CD99: variants seen among roughly 807,000 people sequenced by gnomAD.
CD99 encodes the protein CD99 molecule (Xg blood group).
In CD99, 19 loss-of-function variants were observed where a neutral mutation model predicts 28.4. The observed-to-expected ratio is 0.67, with a 90% CI of 0.47 to 0.98. The LOEUF is 0.98. Among genes scored for constraint, CD99 ranks in the 50% least tolerant of loss-of-function variants. CD99 has a pLI of 0.00. For synonymous variants in CD99, 103 were observed against 92.1 expected (o/e 1.12, Z -0.67); for missense variants, 283 against 248.8 (o/e 1.14, Z -0.92).
chrX:2,739,195 A>C (rs28445675), intron 9 of CD99, among the ~76,000 whole-genome samples: 7,500 of 152,140 alleles, frequency 0.049, 209 homozygotes, highest in Non-Finnish European at 0.06. Context: ...AAATCCTCTC[A>C]ACCAGGTGGA....
chrX:2,708,139 G>C (rs2048210324), intron 1 of CD99, among the ~76,000 whole-genome samples: 1 of 152,032 alleles, frequency 6.6e-6, no homozygotes, highest in African/African-American at 2.4e-5. Flanking sequence ...CACACCTGGG[G>C]GACTGCCTCC....
intron 1 of CD99, among the ~76,000 whole-genome samples, chrX:2,694,818 A>G (rs781133172): frequency 6.6e-6 from 1 of 152,208 alleles, no homozygotes; most frequent in African/African-American, 2.4e-5. Flanking sequence ...CAGAGTTTTC[A>G]TGTAAAGACA....
At chrX:2,707,270 C>T (rs1238720996) in intron 1 of CD99, among the ~76,000 whole-genome samples, 2 of 151,824 alleles carry the variant, frequency 1.3e-5, no homozygotes. Context: ...GTGGAGGTTG[C>T]AGTGAGTTGA....
At chrX:2,738,104 G>A (rs772539359) in intron 8 of CD99, 96 bp from the exon 9 acceptor site, 121 of 1,102,836 alleles carry the variant, frequency 1.1e-4, no homozygotes, top group Admixed American at 3.5e-4. Context: ...CAATAGGAGC[G>A]TCGACCTCAG....
intron 8 of CD99, chrX:2,727,326 G>A (rs755897365): frequency 3.8e-6 from 3 of 779,242 alleles, no homozygotes; most frequent in Admixed American, 1.7e-5. Context: ...CCTTGTATTG[G>A]GATCCGCCGT....
intron 8 of CD99, among the ~76,000 whole-genome samples, chrX:2,728,581 C>T (rs961618947): frequency 2.0e-5 from 3 of 152,140 alleles, no homozygotes; most frequent in African/African-American, 7.2e-5. Flanking sequence ...AAGAGACGTA[C>T]GATTAGAATC....
chrX:2,721,976 A>G (rs2049013444), intron 5 of CD99, among the ~76,000 whole-genome samples: 1 of 152,134 alleles, frequency 6.6e-6, no homozygotes, highest in Non-Finnish European at 1.5e-5. Flanking sequence ...AATTTGCTGC[A>G]GATTTTTACC....
intron 1 of CD99, among the ~76,000 whole-genome samples, chrX:2,696,026 T>G (rs2047559815): frequency 6.6e-6 from 1 of 152,208 alleles, no homozygotes; most frequent in African/African-American, 2.4e-5. Flanking sequence ...AACATGCGTT[T>G]TTCATTGATA....
At chrX:2,694,682 A>C (rs2047490893) in intron 1 of CD99, among the ~76,000 whole-genome samples, 2 of 152,022 alleles carry the variant, frequency 1.3e-5, no homozygotes, top group Admixed American at 1.3e-4. Context: ...CAGCCCGGGA[A>C]GCAGAGGTTG....
intron 1 of CD99, among the ~76,000 whole-genome samples, chrX:2,705,713 C>T (rs1016898948): frequency 1.3e-5 from 2 of 152,156 alleles, no homozygotes; most frequent in Non-Finnish European, 2.9e-5. Flanking sequence ...TGTCCTGTCT[C>T]ATGGACGCTT....
Position 2,691,345 on chromosome X carries a change from G to A in CD99, c.-16G>A. On this transcript the variant is annotated 5_prime_UTR_variant, in exon 1 of 10. Coordinates refer to ENST00000381192, the MANE Select transcript of CD99 (RefSeq NM_002414.5). ...CCCTGCACTCCGGGACCGTCCCTGC[G>A]CGCTCTGGGCGCACCATGGCCCGCG... The A allele has an allele frequency of 6.4e-7, 1 of 1,554,900 alleles. No individual in the cohort carries two copies. Among genetic ancestry groups the A allele is most frequent in the South Asian group, 1.2e-5 (1 of 85,546 alleles).
chrX:2,735,855 T>C (rs1355442559), intron 8 of CD99, among the ~76,000 whole-genome samples: 1 of 152,144 alleles, frequency 6.6e-6, no homozygotes, highest in Non-Finnish European at 1.5e-5. Flanking sequence ...CAGTTGAAAC[T>C]GTGGAGTTCA....
At chrX:2,733,012 A>C (rs1464191231) in intron 8 of CD99, among the ~76,000 whole-genome samples, 45 of 99,914 alleles carry the variant, frequency 4.5e-4, no homozygotes, top group Admixed American at 8.5e-4. Flanking sequence ...CTTCCTCCAT[A>C]CCTCCCTGCT....
rs2050163203 is a variant in CD99 at position 2,740,945 on chromosome X, G to A, written c.*141G>A. On this transcript the variant is annotated 3_prime_UTR_variant, in exon 10 of 10. Coordinates refer to ENST00000381192, the MANE Select transcript of CD99 (RefSeq NM_002414.5). Reference sequence around the variant, plus strand: ...GGATTCTTTGTTTTAATCTTGCGATGTGCTTTGCTTGTTGCTGGGCGGATG... The same window carrying A: ...GGATTCTTTGTTTTAATCTTGCGATATGCTTTGCTTGTTGCTGGGCGGATG... The A allele has an allele frequency of 6.3e-6, 6 of 950,788 alleles. No homozygotes were observed. The highest frequency in any genetic ancestry group is 1.0e-5 in the Non-Finnish European group (6 of 584,708). The allele number at this position is 950,788 out of a possible 1,614,324, so 58.9% of individuals were successfully genotyped here.
chrX:2,727,538 G>A (rs1490752690), intron 8 of CD99, among the ~76,000 whole-genome samples: 15 of 152,018 alleles, frequency 9.9e-5, no homozygotes, highest in African/African-American at 3.6e-4. Flanking sequence ...GTGCAGTGGC[G>A]CAATCTCAGC....
chrX:2,691,817 C>A, intron 1 of CD99: 1 of 776,468 alleles, frequency 1.3e-6, no homozygotes, highest in Admixed American at 1.7e-5. Context: ...TCAGGCCGCG[C>A]GCGGAGGCCG....
chrX:2,691,495 A>G, intron 1 of CD99, 68 bp downstream of exon 1: 1 of 1,502,940 alleles, frequency 6.7e-7, no homozygotes, highest in Non-Finnish European at 8.9e-7. Context: ...GATCCGCTTG[A>G]GATGCGGCGT....
chrX:2,725,734 C>T (rs6655909), intron 7 of CD99, among the ~76,000 whole-genome samples: 12,285 of 152,206 alleles, frequency 0.081, 1,017 homozygotes, highest in African/African-American at 0.21. Context: ...TGGACTCAGC[C>T]TCCTGAGTAG....
At chrX:2,707,550 C>T (rs2048181895) in intron 1 of CD99, among the ~76,000 whole-genome samples, 1 of 152,100 alleles carries the variant, frequency 6.6e-6, no homozygotes, top group African/African-American at 2.4e-5. Context: ...TGGTTTGAAT[C>T]AGTAGAAAGT....
Sources: allele counts gnomAD v4.1 joint callset (sites outside exome capture counted in the v4.1 genomes callset), GRCh38; gene constraint gnomAD v4.1.1; transcripts MANE v1.5; gene names NCBI Gene and HGNC (gene_info 2026-07-23, HGNC 2026-07-21).